The following GRID2 variants were observed in gnomAD, a reference collection of about 807,000 sequenced individuals.
GRID2 encodes the protein glutamate ionotropic receptor delta type subunit 2, also known as glutamate receptor ionotropic, delta-2.
A neutral mutation model predicts 114.8 loss-of-function variants in GRID2; 33 were observed. The ratio of observed to expected loss-of-function variants is 0.29; its 90% CI spans 0.22 to 0.38. The LOEUF (loss-of-function observed/expected upper bound fraction) is 0.38. Among genes scored for constraint, GRID2 ranks in the 10% least tolerant of loss-of-function variants. The pLI is 1.00. For synonymous variants in GRID2, 505 were observed against 449.9 expected (o/e 1.12, Z -1.55); for missense variants, 1,184 against 1,257.7 (o/e 0.94, Z 0.89).
At chr4:93,404,867 C>G (rs1217777256) in intron 9 of GRID2, among the ~76,000 whole-genome samples, 1 of 151,944 alleles carries the variant, frequency 6.6e-6, no homozygotes, top group Non-Finnish European at 1.5e-5. Flanking sequence ...TTTAAAGTAT[C>G]CTAAAAGTAA....
At chr4:92,855,470 A>T (rs1744108724) in intron 2 of GRID2, among the ~76,000 whole-genome samples, 1 of 151,954 alleles carries the variant, frequency 6.6e-6, no homozygotes, top group Admixed American at 6.6e-5. Flanking sequence ...ATGGTTTCCC[A>T]TGTTCTTTTT....
At chr4:93,003,406 T>C (rs1721200893) in intron 2 of GRID2, among the ~76,000 whole-genome samples, 1 of 151,972 alleles carries the variant, frequency 6.6e-6, no homozygotes, top group African/African-American at 2.4e-5. Context: ...ACACAAATGG[T>C]CCTACTGCTT....
At chr4:92,474,489 A>G (rs1271732046) in intron 1 of GRID2, among the ~76,000 whole-genome samples, 2 of 152,116 alleles carry the variant, frequency 1.3e-5, no homozygotes, top group African/African-American at 4.8e-5. Flanking sequence ...GGGAGTACAA[A>G]TATCTCTTTG....
intron 14 of GRID2, among the ~76,000 whole-genome samples, chr4:93,723,645 C>T (rs1729582762): frequency 6.6e-6 from 1 of 152,072 alleles, no homozygotes; most frequent in Non-Finnish European, 1.5e-5. Flanking sequence ...TACTATTTCC[C>T]CCAGGGGATA....
chr4:92,898,404 T>A (rs1462152933), intron 2 of GRID2, among the ~76,000 whole-genome samples: 1 of 152,138 alleles, frequency 6.6e-6, no homozygotes, highest in African/African-American at 2.4e-5. Flanking sequence ...CAGCAAACCA[T>A]GAAATACAAT....
intron 1 of GRID2, among the ~76,000 whole-genome samples, chr4:92,383,668 T>A (rs954990872): frequency 6.6e-6 from 1 of 151,978 alleles, no homozygotes; most frequent in African/African-American, 2.4e-5. Context: ...CTTTCTCTTT[T>A]TCTTCCTCTT....
chr4:92,379,941 A>G (rs1197437794), intron 1 of GRID2, among the ~76,000 whole-genome samples: 1 of 152,014 alleles, frequency 6.6e-6, no homozygotes, highest in African/African-American at 2.4e-5. Context: ...TGCACAAATA[A>G]TAATCCTATA....
rs536437447 is a variant in GRID2 at position 92,890,312 on chromosome 4, C to T, written c.245-194683C>T. On this transcript the variant is annotated intron_variant, in intron 2 of 15. Coordinates refer to ENST00000282020, the MANE Select transcript of GRID2 (RefSeq NM_001510.4). Reference sequence around the variant, plus strand: ...GCATCTGCACAGCAAAATAGACTATCATCAGAGTGAACAGGCAACCTACAG... The same window carrying T: ...GCATCTGCACAGCAAAATAGACTATTATCAGAGTGAACAGGCAACCTACAG... 3.9e-5 allele frequency among the ~76,000 whole-genome samples: 6 copies of T among 152,272 alleles called. No homozygotes were observed. The East Asian group carries it at 1.2e-3, about 29-fold the overall frequency.
chr4:92,858,295 A>G (rs1560644745), intron 2 of GRID2, among the ~76,000 whole-genome samples: 1 of 152,216 alleles, frequency 6.6e-6, no homozygotes, highest in Non-Finnish European at 1.5e-5. Flanking sequence ...GGACTGGGAC[A>G]AAATCGTGTG....
At chr4:93,160,738 T>C (rs1254288109) in intron 4 of GRID2, among the ~76,000 whole-genome samples, 4 of 151,710 alleles carry the variant, frequency 2.6e-5, no homozygotes, top group Non-Finnish European at 5.9e-5. Flanking sequence ...AGAGCTGTTA[T>C]TAGTAAATTG....
chr4:92,804,024 T>A (rs1232334087), intron 2 of GRID2, among the ~76,000 whole-genome samples: 6 of 151,756 alleles, frequency 4.0e-5, no homozygotes, highest in South Asian at 4.2e-4. Context: ...GAGATTGGAG[T>A]GATGCTGCCA....
intron 2 of GRID2, among the ~76,000 whole-genome samples, chr4:92,728,480 C>T (rs970863262): frequency 3.5e-4 from 53 of 152,006 alleles, no homozygotes; most frequent in African/African-American, 1.2e-3. Context: ...TCCTTCACCA[C>T]GTGGGTCTTC....
intron 4 of GRID2, among the ~76,000 whole-genome samples, chr4:93,138,548 C>G (rs929441269): frequency 6.6e-6 from 1 of 152,122 alleles, no homozygotes; most frequent in Non-Finnish European, 1.5e-5. Flanking sequence ...GTCAAATTGA[C>G]TCATTGAATC....
At chr4:93,400,962 G>C (rs920158209) in intron 9 of GRID2, among the ~76,000 whole-genome samples, 3 of 151,914 alleles carry the variant, frequency 2.0e-5, no homozygotes, top group Non-Finnish European at 2.9e-5. Flanking sequence ...TCAGCCTCCT[G>C]AGTAGCTGGG....
chr4:92,579,616 T>A (rs1004462057), intron 1 of GRID2, among the ~76,000 whole-genome samples: 3 of 151,984 alleles, frequency 2.0e-5, no homozygotes, highest in South Asian at 4.1e-4. Flanking sequence ...TGTTTTAGCA[T>A]GTGATTAAGT....
chr4:93,467,921 C>G (rs1724444478), intron 11 of GRID2, among the ~76,000 whole-genome samples: 1 of 152,174 alleles, frequency 6.6e-6, no homozygotes, highest in African/African-American at 2.4e-5. Context: ...GTCATACCTG[C>G]ATCATCATAA....
intron 4 of GRID2, among the ~76,000 whole-genome samples, chr4:93,114,618 A>G (rs1034450555): frequency 2.0e-5 from 3 of 152,072 alleles, no homozygotes; most frequent in African/African-American, 7.2e-5. Flanking sequence ...AGCTCACCCT[A>G]TTGTACTGTT....
At chr4:92,481,295 C>G (rs1176115201) in intron 1 of GRID2, among the ~76,000 whole-genome samples, 6 of 151,958 alleles carry the variant, frequency 3.9e-5, no homozygotes, top group Admixed American at 3.9e-4. Context: ...AGAAGTATTA[C>G]TCTTCTATTT....
Position 93,772,715 on chromosome 4 carries a change from T to C in GRID2, c.*217T>C, listed in dbSNP as rs1275855679. The C allele has an allele frequency of 3.8e-6, 2 of 521,514 alleles. No individual in the cohort carries two copies. Among genetic ancestry groups the C allele is most frequent in the South Asian group, 3.4e-5 (1 of 29,784 alleles). 32.3% of individuals were successfully genotyped at this position (521,514 alleles called of 1,614,324 possible). A position where few individuals can be genotyped will look rare whatever the true frequency, so the allele number is the denominator to read the frequency against. On this transcript the variant is annotated 3_prime_UTR_variant, in exon 16 of 16. Coordinates refer to ENST00000282020, the MANE Select transcript of GRID2 (RefSeq NM_001510.4). ...CCTGTACATTTTCCTCCACTTTTTT[T>C]CATTACTCAACTTGTTCCCCAAGAA...
Sources: gnomAD v4.1 joint callset for allele counts (sites outside exome capture counted in the v4.1 genomes callset) on GRCh38, gnomAD v4.1.1 for gene constraint, MANE v1.5 for transcripts, NCBI Gene and HGNC (gene_info 2026-07-23, HGNC 2026-07-21) for gene names.